Variants in SULT2B1 observed in about 807,000 individuals in gnomAD.
SULT2B1 encodes sulfotransferase family 2B member 1.
SULT2B1 carries 16 observed loss-of-function variants against 33.2 expected under a neutral mutation model. The ratio of observed to expected loss-of-function variants is 0.48; its 90% CI spans 0.33 to 0.73. The LOEUF (loss-of-function observed/expected upper bound fraction) is 0.73. Ranked by LOEUF, SULT2B1 falls within the 30% of genes least tolerant of loss-of-function variation. SULT2B1 has a pLI of 0.02. For missense variants in SULT2B1, 500 were observed against 506.0 expected, an observed-to-expected ratio of 0.99 and a Z score of 0.11; for synonymous variants, 186 against 200.5, an observed-to-expected ratio of 0.93 and a Z score of 0.61.
chr19:48,564,489 T>C (rs1973220015), intron 1 of SULT2B1, among the ~76,000 whole-genome samples: 1 of 136,180 alleles, frequency 7.3e-6, no homozygotes, highest in African/African-American at 2.8e-5. Flanking sequence ...GGAGGCAAGG[T>C]TGCAGTGAGC....
At chr19:48,560,212 G>A (rs375481115) in intron 1 of SULT2B1, among the ~76,000 whole-genome samples, 8 of 152,054 alleles carry the variant, frequency 5.3e-5, no homozygotes, top group Non-Finnish European at 1.2e-4. Flanking sequence ...CCAGAAACTC[G>A]AATGCTAGCA....
At chr19:48,590,968 G>C (rs1205017881) in intron 3 of SULT2B1, 1 of 152,154 alleles carries the variant, frequency 6.6e-6, no homozygotes, top group Non-Finnish European at 1.5e-5. Flanking sequence ...CGAGTAGCTG[G>C]GACCACGGGC....
intron 1 of SULT2B1, among the ~76,000 whole-genome samples, chr19:48,554,519 A>C (rs1973069863): frequency 2.4e-5 from 2 of 82,940 alleles, no homozygotes; most frequent in Non-Finnish European, 4.8e-5. Context: ...ATCTCCCCCC[A>C]ACCTCACCAC....
At chr19:48,555,378 C>T (rs1013933887) in intron 1 of SULT2B1, among the ~76,000 whole-genome samples, 4 of 152,182 alleles carry the variant, frequency 2.6e-5, no homozygotes, top group Non-Finnish European at 5.9e-5. Flanking sequence ...AGGCGTGAGC[C>T]ACCGTGCCCG....
chr19:48,598,011 C>G (rs1444473580), intron 6 of SULT2B1, among the ~76,000 whole-genome samples: 1 of 152,144 alleles, frequency 6.6e-6, no homozygotes, highest in Admixed American at 6.6e-5. Context: ...CACCCAGATA[C>G]TTCAGGGTCC....
chr19:48,579,898 C>T (rs1469044676), intron 2 of SULT2B1, among the ~76,000 whole-genome samples: 1 of 151,768 alleles, frequency 6.6e-6, no homozygotes, highest in East Asian at 1.9e-4. Context: ...TGAGCCACTG[C>T]TCTCGGCCTT....
chr19:48,558,829 C>T lies in SULT2B1; in HGVS notation c.71+6506C>T, dbSNP rs569999597. On this transcript the variant is annotated intron_variant, in intron 1 of 6. Transcript: ENST00000201586. ...CCTCCTGAGTAGCTGGGACTACAGG[C>T]GTGCGCCACCACGCCTGGCTAAATT... is the stretch of plus-strand genomic sequence containing the variant. Among the ~76,000 whole-genome samples the T allele has an allele frequency of 5.3e-5, 8 of 151,872 alleles. No individual in the cohort carries two copies. In the East Asian group the frequency reaches 1.2e-3, roughly 22 times the overall value.
chr19:48,575,896 C>T (rs747274337), intron 1 of SULT2B1, 45 bp from the exon 2 acceptor site: 1 of 1,584,288 alleles, frequency 6.3e-7, no homozygotes, highest in South Asian at 1.1e-5. Context: ...CTCCAGCACC[C>T]ACCTCCCTAC....
At chr19:48,581,102 T>G (rs1310927556) in intron 2 of SULT2B1, among the ~76,000 whole-genome samples, 1 of 133,160 alleles carries the variant, frequency 7.5e-6, no homozygotes, top group Non-Finnish European at 1.5e-5. Flanking sequence ...AATGGCGCGA[T>G]CTCAGCTCAC....
chr19:48,558,214 G>A (rs1223212205), intron 1 of SULT2B1, among the ~76,000 whole-genome samples: 1 of 152,196 alleles, frequency 6.6e-6, no homozygotes, highest in Non-Finnish European at 1.5e-5. Flanking sequence ...GCCAAGCAGG[G>A]CGTAGCCAGG....
rs540355338 is a variant in SULT2B1, at chr19:48,575,205, T to G, written c.72-736T>G. ...CTCATTGCAACCTCCACTTCTTGGA[T>G]TCAAGCAATTATCCTGCCTCAGCCT... On this transcript the variant is annotated intron_variant, in intron 1 of 6. Coordinates refer to ENST00000201586, the MANE Select transcript of SULT2B1 (RefSeq NM_177973.2). Among the ~76,000 whole-genome samples, 3 of 143,856 alleles carry G rather than the reference T, an allele frequency of 2.1e-5. No individual in the cohort carries two copies. In the South Asian group the frequency reaches 6.8e-4, roughly 32 times the overall value. The allele number at this position is 143,856 out of a possible 152,430, so 94.4% of individuals were successfully genotyped here.
At chr19:48,562,843 C>T (rs983869543) in intron 1 of SULT2B1, among the ~76,000 whole-genome samples, 18 of 152,036 alleles carry the variant, frequency 1.2e-4, no homozygotes, top group Admixed American at 3.3e-4. Context: ...CCATACCCAG[C>T]TAATTTTTGT....
Position 48,599,178 on chromosome 19 carries a change from C to A in SULT2B1, c.870C>A (p.Ser290Arg). ...AGAACCACTTCACGGTGGCCCAGAG[C>A]GAAGCCTTCGATCGTGCCTACCGCA... ...DWKNHFTVAQ[S>R]EAFDRAYRKQ... is the part of the protein sequence containing the mutation. The change falls in exon 7 of 7, where the codon AGC becomes AGA. Residue 290 changes from serine (S) to arginine (R), a missense_variant. Transcript: ENST00000201586. The surrounding 1 kb of genome is among the most constrained non-coding windows in gnomAD (Gnocchi z 4.1). The A allele has an allele frequency of 1.3e-6, 2 of 1,598,808 alleles. No individual in the cohort carries two copies. The highest frequency in any genetic ancestry group is 1.7e-6 in the Non-Finnish European group (2 of 1,175,666).
intron 2 of SULT2B1, among the ~76,000 whole-genome samples, chr19:48,578,051 TAA>T (rs34622126): frequency 0.024 from 3,571 of 149,112 alleles, 56 homozygotes; most frequent in Non-Finnish European, 0.038. Flanking sequence ...ACCCCATCTC[TAA>T]AAAAAAAAAA....
intron 1 of SULT2B1, among the ~76,000 whole-genome samples, chr19:48,556,415 G>A (rs1245341678): frequency 2.6e-5 from 4 of 152,094 alleles, no homozygotes; most frequent in Admixed American, 6.6e-5. Context: ...GGATGAGTCA[G>A]GGTTAGCAGA....
intron 3 of SULT2B1, chr19:48,591,324 A>T (rs1228876000): frequency 7.6e-6 from 2 of 261,634 alleles, no homozygotes; most frequent in Middle Eastern, 1.3e-3. Context: ...TACAAAAATT[A>T]TCCTGATGTG....
chr19:48,569,363 C>CATATAT (rs1159840741), intron 1 of SULT2B1, among the ~76,000 whole-genome samples: 1,994 of 32,110 alleles, frequency 0.062, 59 homozygotes, highest in South Asian at 0.091. Flanking sequence ...AAAAAAAAAA[C>CATATAT]ATATATATAT....
chr19:48,581,009 A>T (rs542714742), intron 2 of SULT2B1, among the ~76,000 whole-genome samples: 1 of 139,602 alleles, frequency 7.2e-6, no homozygotes, highest in South Asian at 2.3e-4. Context: ...TCATGTGCTC[A>T]TTAGCCATCA....
chr19:48,578,794 T>G (rs1973447076), intron 2 of SULT2B1, among the ~76,000 whole-genome samples: 3 of 152,004 alleles, frequency 2.0e-5, no homozygotes. Context: ...GAGAATTGCT[T>G]GGAACCGGGG....
Sources: gnomAD v4.1 joint callset for allele counts (sites outside exome capture counted in the v4.1 genomes callset) on GRCh38, gnomAD v4.1.1 for gene constraint, Gnocchi (gnomAD v3.1) non-coding constraint, MANE v1.5 for transcripts, NCBI Gene and HGNC (gene_info 2026-07-23, HGNC 2026-07-21) for gene names.